The following WWOX variants were observed in gnomAD, a reference collection of about 807,000 sequenced individuals.
WWOX encodes WW domain-containing oxidoreductase.
Under a neutral mutation model 46.2 loss-of-function variants are expected in WWOX, and 69 were observed. That is an observed-to-expected ratio of 1.49 (90% CI 1.23 to 1.82). The LOEUF is 1.82. WWOX is among the 40% of genes most tolerant of loss of function. WWOX has a pLI of 0.00. For synonymous variants in WWOX, 359 were observed against 202.6 expected, an observed-to-expected ratio of 1.77 and a Z score of -6.56; for missense variants, 919 against 542.6, an observed-to-expected ratio of 1.69 and a Z score of -6.89.
intron 5 of WWOX, among the ~76,000 whole-genome samples, chr16:78,337,310 A>G (rs2151897216): frequency 1.3e-5 from 2 of 152,242 alleles, no homozygotes; most frequent in Admixed American, 1.3e-4. Flanking sequence ...AGATTTACAA[A>G]GTAATTGAGT....
Position 78,522,556 on chromosome 16 carries a change from C to T in WWOX, c.1056+89804C>T, listed in dbSNP as rs1337100331. On this transcript the variant is annotated intron_variant, in intron 8 of 8. Transcript: ENST00000566780. The stretch of plus-strand genomic sequence containing the variant: ...GATTTCTCTTTGACTCCCTGTATTA[C>T]CATTAGAAGACATCTACACTGGGAA... Among the ~76,000 whole-genome samples the T allele has an allele frequency of 8.0e-5, 12 of 150,874 alleles. 1 individual carries two copies. The South Asian group carries it at 1.9e-3, about 24-fold the overall frequency.
At chr16:78,692,611 C>T (rs972310230) in intron 8 of WWOX, among the ~76,000 whole-genome samples, 1 of 152,164 alleles carries the variant, frequency 6.6e-6, no homozygotes, top group Non-Finnish European at 1.5e-5. Context: ...GAATCTCTCA[C>T]CCCCATGTTT....
chr16:78,353,417 G>C (rs1341482571), intron 5 of WWOX, among the ~76,000 whole-genome samples: 1 of 152,176 alleles, frequency 6.6e-6, no homozygotes, highest in Non-Finnish European at 1.5e-5. Context: ...CCAAGAGAAA[G>C]ACAGTTCACC....
intron 5 of WWOX, among the ~76,000 whole-genome samples, chr16:78,337,317 G>T (rs2080915224): frequency 6.6e-6 from 1 of 152,104 alleles, no homozygotes; most frequent in African/African-American, 2.4e-5. Flanking sequence ...CAAAGTAATT[G>T]AGTATATAGT....
intron 5 of WWOX, among the ~76,000 whole-genome samples, chr16:78,273,493 G>A (rs1274736319): frequency 6.6e-6 from 1 of 152,138 alleles, no homozygotes; most frequent in Non-Finnish European, 1.5e-5. Flanking sequence ...TTAAATCCAA[G>A]CCATGGGGAT....
chr16:78,376,238 C>G (rs1024200403), intron 5 of WWOX, among the ~76,000 whole-genome samples: 3 of 150,388 alleles, frequency 2.0e-5, no homozygotes, highest in African/African-American at 7.4e-5. Context: ...TAAGGAAGCT[C>G]ACGCTTAGAG....
chr16:79,129,445 G>A (rs372056740), intron 8 of WWOX, among the ~76,000 whole-genome samples: 32 of 149,830 alleles, frequency 2.1e-4, no homozygotes, highest in Admixed American at 2.7e-4. Context: ...CACTTAAAAT[G>A]TGTAAAAAGT....
chr16:79,176,563 G>A (rs2050804449), intron 8 of WWOX, among the ~76,000 whole-genome samples: 1 of 152,086 alleles, frequency 6.6e-6, no homozygotes, highest in Non-Finnish European at 1.5e-5. Context: ...CTTCTCTTTG[G>A]TCCCTGATAA....
At chr16:79,012,039 C>T (rs1362834905) in intron 8 of WWOX, among the ~76,000 whole-genome samples, 2 of 152,142 alleles carry the variant, frequency 1.3e-5, no homozygotes, top group African/African-American at 4.8e-5. Flanking sequence ...CCTCTGGCTA[C>T]TGTGTTGAGA....
intron 8 of WWOX, among the ~76,000 whole-genome samples, chr16:78,615,901 C>T (rs548047450): frequency 2.5e-4 from 38 of 152,072 alleles, no homozygotes; most frequent in Non-Finnish European, 4.3e-4. Context: ...CAGGCGCCCG[C>T]CACCACACTC....
chr16:78,328,551 GC>G (rs2080683755), intron 5 of WWOX, among the ~76,000 whole-genome samples: 1 of 152,176 alleles, frequency 6.6e-6, no homozygotes. Flanking sequence ...CTTTATTCTT[GC>G]AACAAGTATT....
At chr16:78,625,019 C>G (rs2046280209) in intron 8 of WWOX, among the ~76,000 whole-genome samples, 1 of 152,152 alleles carries the variant, frequency 6.6e-6, no homozygotes, top group African/African-American at 2.4e-5. Context: ...ATCACTGGAA[C>G]AAGAGCCTGT....
At chr16:78,383,537 C>G (rs189652880) in intron 5 of WWOX, among the ~76,000 whole-genome samples, 9 of 152,198 alleles carry the variant, frequency 5.9e-5, no homozygotes, top group Non-Finnish European at 1.0e-4. Flanking sequence ...GTTCACCTCT[C>G]GAAAAGGGGT....
At chr16:78,270,232 C>G (rs147138686) in intron 5 of WWOX, 9 of 152,240 alleles carry the variant, frequency 5.9e-5, no homozygotes, top group African/African-American at 2.2e-4. Context: ...CCTCGGGTCT[C>G]TTGTGTTTTC....
At chr16:79,103,127 G>C (rs181354228) in intron 8 of WWOX, among the ~76,000 whole-genome samples, 43 of 152,268 alleles carry the variant, frequency 2.8e-4, no homozygotes, top group African/African-American at 9.1e-4. Context: ...GGGCATATTT[G>C]TTGATCTCTG....
intron 5 of WWOX, among the ~76,000 whole-genome samples, chr16:78,333,953 A>C (rs1282462862): frequency 6.6e-6 from 1 of 152,110 alleles, no homozygotes; most frequent in African/African-American, 2.4e-5. Flanking sequence ...TGCGTGATCC[A>C]CTGATGGTAA....
intron 8 of WWOX, among the ~76,000 whole-genome samples, chr16:78,832,621 C>G (rs1219969780): frequency 6.6e-6 from 1 of 152,120 alleles, no homozygotes; most frequent in Non-Finnish European, 1.5e-5. Flanking sequence ...ATGCGTCCCT[C>G]TCTCCTTCCT....
At chr16:78,535,802 G>C (rs950162718) in intron 8 of WWOX, among the ~76,000 whole-genome samples, 1 of 152,192 alleles carries the variant, frequency 6.6e-6, no homozygotes, top group African/African-American at 2.4e-5. Flanking sequence ...GAGAGAACCA[G>C]ACACAAGTTG....
At chr16:78,552,498 G>A (rs945485951) in intron 8 of WWOX, 1 of 152,240 alleles carries the variant, frequency 6.6e-6, no homozygotes, top group African/African-American at 2.4e-5. Context: ...TTCTCTGCTG[G>A]TTTTCTGAGT....
Sources: gnomAD v4.1 joint callset for allele counts (sites outside exome capture counted in the v4.1 genomes callset) on GRCh38, gnomAD v4.1.1 for gene constraint, MANE v1.5 for transcripts, NCBI Gene and HGNC (gene_info 2026-07-23, HGNC 2026-07-21) for gene names.